Variants in IPCEF1 observed in about 807,000 individuals in gnomAD.
IPCEF1 encodes the protein interactor protein for cytohesin exchange factors 1.
A neutral mutation model predicts 50.9 loss-of-function variants in IPCEF1; 31 were observed. That is an observed-to-expected ratio of 0.61 (90% confidence interval 0.46 to 0.82). The LOEUF (loss-of-function observed/expected upper bound fraction) is 0.82. Among genes scored for constraint, IPCEF1 ranks in the 40% least tolerant of loss-of-function variants. The probability of loss-of-function intolerance (pLI) is 0.00; values close to 1 mark genes in which losing one functional copy is unlikely to be tolerated. For missense variants in IPCEF1, 458 were observed against 514.0 expected, an observed-to-expected ratio of 0.89 and a Z score of 1.05; for synonymous variants, 181 against 192.0, an observed-to-expected ratio of 0.94 and a Z score of 0.47.
chr6:154,236,065 A>G (rs1376723573), intron 5 of IPCEF1, among the ~76,000 whole-genome samples: 1 of 152,194 alleles, frequency 6.6e-6, no homozygotes, highest in African/African-American at 2.4e-5. Context: ...GTATAAAACC[A>G]AGGGAATTGA....
chr6:154,174,673 A>C (rs1800157928), intron 10 of IPCEF1, among the ~76,000 whole-genome samples: 1 of 152,236 alleles, frequency 6.6e-6, no homozygotes, highest in African/African-American at 2.4e-5. Flanking sequence ...TTCATAAAGC[A>C]AGTCCTTAGA....
At chr6:154,179,734 G>A (rs967483549) in intron 10 of IPCEF1, among the ~76,000 whole-genome samples, 7 of 152,128 alleles carry the variant, frequency 4.6e-5, no homozygotes, top group African/African-American at 7.2e-5. Flanking sequence ...TAAAGATTCC[G>A]GAAAAACAGT....
chr6:154,320,832 C>T (rs986309484), intron 1 of IPCEF1, among the ~76,000 whole-genome samples: 2 of 152,082 alleles, frequency 1.3e-5, no homozygotes, highest in Non-Finnish European at 2.9e-5. Context: ...CATAGCAAGA[C>T]CTCACCTTTA....
intron 10 of IPCEF1, among the ~76,000 whole-genome samples, chr6:154,182,678 C>G (rs1388334910): frequency 6.6e-6 from 1 of 152,012 alleles, no homozygotes; most frequent in Non-Finnish European, 1.5e-5. Flanking sequence ...TGAATGAGAA[C>G]AAAATGGTAG....
At chr6:154,303,447 C>A (rs1443730705) in intron 1 of IPCEF1, among the ~76,000 whole-genome samples, 1 of 152,176 alleles carries the variant, frequency 6.6e-6, no homozygotes, top group Non-Finnish European at 1.5e-5. Flanking sequence ...CATCAGCTCT[C>A]AGAACACGAG....
At chr6:154,262,121 C>T (rs976894121) in intron 3 of IPCEF1, among the ~76,000 whole-genome samples, 1 of 152,142 alleles carries the variant, frequency 6.6e-6, no homozygotes, top group East Asian at 1.9e-4. Flanking sequence ...TCAGCAGTGC[C>T]GCCCAGACAC....
At chr6:154,288,029 T>C (rs534864187) in intron 2 of IPCEF1, among the ~76,000 whole-genome samples, 3 of 152,302 alleles carry the variant, frequency 2.0e-5, no homozygotes, top group African/African-American at 7.2e-5. Flanking sequence ...AGAATTTATG[T>C]CTTAGAAGAC....
chr6:154,168,402 AT>A lies in IPCEF1; in HGVS notation c.911-290del, dbSNP rs2128554173. 6.6e-6 allele frequency among the ~76,000 whole-genome samples: 1 copy of A among 152,148 alleles called. No individual in the cohort carries two copies. The highest frequency in any genetic ancestry group is 2.1e-4 in the South Asian group (1 of 4,804). On this transcript the variant is annotated intron_variant, in intron 10 of 11. Coordinates refer to ENST00000367220, the MANE Select transcript of IPCEF1 (RefSeq NM_001130700.2). This position sits in a 1 kb window ranked among gnomAD's most constrained non-coding sequence, Gnocchi z 4.1. Reference sequence around the variant, plus strand: ...GTGGCAGTATAACTCCAATATTCACATGGGGTGTTCCCTGCATGCATGTCTC... The same window carrying A: ...GTGGCAGTATAACTCCAATATTCACAGGGGTGTTCCCTGCATGCATGTCTC...
At chr6:154,315,351 C>T (rs1464866699) in intron 1 of IPCEF1, among the ~76,000 whole-genome samples, 1 of 152,084 alleles carries the variant, frequency 6.6e-6, no homozygotes, top group Non-Finnish European at 1.5e-5. Context: ...GACATTTCTA[C>T]AGGGAAAAAC....
chr6:154,288,667 C>CAAAAAA (rs552235190), intron 2 of IPCEF1, among the ~76,000 whole-genome samples: 3 of 112,644 alleles, frequency 2.7e-5, no homozygotes, highest in Admixed American at 9.8e-5. Context: ...GTCTAAAAAA[C>CAAAAAA]AAAAAAAACA....
intron 10 of IPCEF1, among the ~76,000 whole-genome samples, chr6:154,176,376 T>C (rs1221504788): frequency 6.6e-6 from 1 of 152,056 alleles, no homozygotes; most frequent in African/African-American, 2.4e-5. Context: ...AAAGAGGAGG[T>C]CAAATTGTCT....
At chr6:154,183,263 G>A (rs1291852139) in intron 10 of IPCEF1, among the ~76,000 whole-genome samples, 3 of 152,182 alleles carry the variant, frequency 2.0e-5, no homozygotes, top group Non-Finnish European at 4.4e-5. Flanking sequence ...ACAGGCGTGA[G>A]CCACCACACC....
At chr6:154,268,692 C>T (rs905302180) in intron 2 of IPCEF1, among the ~76,000 whole-genome samples, 4 of 152,098 alleles carry the variant, frequency 2.6e-5, no homozygotes, top group East Asian at 1.9e-4. Context: ...CTGACCACGA[C>T]CTCATCTCCG....
intron 5 of IPCEF1, among the ~76,000 whole-genome samples, chr6:154,238,018 T>C (rs1179758599): frequency 2.0e-5 from 3 of 152,226 alleles, no homozygotes; most frequent in Non-Finnish European, 2.9e-5. Context: ...TTAGATTCTA[T>C]GCATTGGCAA....
At chr6:154,211,111 G>A (rs1189076233) in intron 9 of IPCEF1, among the ~76,000 whole-genome samples, 4 of 152,142 alleles carry the variant, frequency 2.6e-5, no homozygotes, top group African/African-American at 9.7e-5. Flanking sequence ...CAGGTGTCAT[G>A]GTTCAGTAGA....
intron 1 of IPCEF1, among the ~76,000 whole-genome samples, chr6:154,330,325 C>CTTTTTT (rs138406253): frequency 2.2e-5 from 2 of 89,244 alleles, no homozygotes; most frequent in African/African-American, 8.4e-5. Context: ...ATTATAGCCT[C>CTTTTTT]TTTTTTTTTT....
chr6:154,327,979 C>G (rs1467850920), intron 1 of IPCEF1, among the ~76,000 whole-genome samples: 1 of 152,074 alleles, frequency 6.6e-6, no homozygotes, highest in African/African-American at 2.4e-5. Context: ...AAGAGACAAC[C>G]AAATACAACA....
At chr6:154,206,116 T>A (rs1490520369) in intron 9 of IPCEF1, among the ~76,000 whole-genome samples, 6 of 152,148 alleles carry the variant, frequency 3.9e-5, no homozygotes, top group African/African-American at 1.4e-4. Context: ...CACAAAAATA[T>A]TTATCAGCTG....
At chr6:154,340,976 G>A (rs13205508) in intron 1 of IPCEF1, among the ~76,000 whole-genome samples, 78,791 of 150,976 alleles carry the variant, frequency 0.52, 21,519 homozygotes, top group East Asian at 0.9. Context: ...TATATACAAA[G>A]TGTATATATA....
Sources: gnomAD v4.1 joint callset for allele counts (sites outside exome capture counted in the v4.1 genomes callset) on GRCh38, gnomAD v4.1.1 for gene constraint, Gnocchi (gnomAD v3.1) non-coding constraint, MANE v1.5 for transcripts, NCBI Gene and HGNC (gene_info 2026-07-23, HGNC 2026-07-21) for gene names.